Variants in PRRC1 observed in about 807,000 individuals in gnomAD.
The protein encoded by PRRC1 is protein PRRC1.
Under a neutral mutation model 40.7 loss-of-function variants are expected in PRRC1, and 39 were observed. The observed-to-expected ratio is 0.96, with a 90% CI of 0.74 to 1.25. The LOEUF (loss-of-function observed/expected upper bound fraction) is 1.25, where lower values mean the gene tolerates loss of function less well. Among genes scored for constraint, PRRC1 ranks in the 50% most tolerant of loss-of-function variants. The pLI, the probability that PRRC1 is intolerant of heterozygous loss-of-function variation, is 0.00. For missense variants in PRRC1, 573 were observed against 548.3 expected, an observed-to-expected ratio of 1.05 and a Z score of -0.45; for synonymous variants, 175 against 193.3, an observed-to-expected ratio of 0.91 and a Z score of 0.79.
Position 127,553,564 on chromosome 5 carries a change from GTAT to G in PRRC1, c.*1650_*1652del, listed in dbSNP as rs1356092894. The G allele has an allele frequency of 8.0e-7, 1 of 1,252,812 alleles. No homozygotes were observed. Among genetic ancestry groups the G allele is most frequent in the African/African-American group, 1.6e-5 (1 of 63,838 alleles). The allele number at this position is 1,252,812 out of a possible 1,614,324, so 77.6% of individuals were successfully genotyped here. On this transcript the variant is annotated 3_prime_UTR_variant, in exon 9 of 9. Transcript: ENST00000296666. ...TTTTAAAAGCTATCCTTTTCTAGTAGTATTTTATCATGGCAATGGCATGATGAC... is the reference window on the plus strand; with the variant it reads ...TTTTAAAAGCTATCCTTTTCTAGTAGTTTATCATGGCAATGGCATGATGAC...
Position 127,552,058 on chromosome 5 carries a change from C to T in PRRC1, c.*142C>T, listed in dbSNP as rs768070236. 1.0e-5 allele frequency: 15 copies of T among 1,445,860 alleles called. No homozygotes were observed. Among genetic ancestry groups the T allele is most frequent in the South Asian group, 1.5e-5 (1 of 66,290 alleles). The allele number at this position is 1,445,860 out of a possible 1,614,324, so 89.6% of individuals were successfully genotyped here. A position where few individuals can be genotyped will look rare whatever the true frequency, so the allele number is the denominator to read the frequency against. On this transcript the variant is annotated 3_prime_UTR_variant, in exon 9 of 9. Transcript: ENST00000296666. Reference sequence around the variant, plus strand: ...CCTGTAGCCTGCAATTTTTCTTTCTCTAGAAAGGCATCATGTCATTCCAGG... The same window carrying T: ...CCTGTAGCCTGCAATTTTTCTTTCTTTAGAAAGGCATCATGTCATTCCAGG...
chr5:127,547,494 A>G (rs1435229260), intron 7 of PRRC1, among the ~76,000 whole-genome samples: 2 of 152,124 alleles, frequency 1.3e-5, no homozygotes, highest in African/African-American at 2.4e-5. Context: ...AGCTGTTTGC[A>G]TATTCAATGT....
intron 7 of PRRC1, among the ~76,000 whole-genome samples, chr5:127,541,230 G>T (rs1259445492): frequency 6.6e-6 from 1 of 152,172 alleles, no homozygotes; most frequent in African/African-American, 2.4e-5. Flanking sequence ...AAGCCCACTT[G>T]ATCATGGTGG....
intron 4 of PRRC1, among the ~76,000 whole-genome samples, chr5:127,527,192 G>A (rs1456070797): frequency 1.3e-5 from 2 of 151,702 alleles, no homozygotes; most frequent in East Asian, 3.9e-4. Context: ...TTTTAAATTA[G>A]TTAATTTATT....
At chr5:127,519,124 G>A (rs1767392387) in intron 1 of PRRC1, among the ~76,000 whole-genome samples, 1 of 152,138 alleles carries the variant, frequency 6.6e-6, no homozygotes, top group Non-Finnish European at 1.5e-5. Context: ...TCTTACAATA[G>A]GACTTCTACT....
rs185412691 is a variant in PRRC1 at position 127,544,710 on chromosome 5, C to T, written c.1026-3109C>T. The stretch of plus-strand genomic sequence containing the variant: ...AGGTGCGGGATATAATCTCCTGGTG[C>T]GCTGTTTTTTAAGCCTGTTGGAAAA... On this transcript the variant is annotated intron_variant, in intron 7 of 8. Transcript: ENST00000296666. Among the ~76,000 whole-genome samples the T allele has an allele frequency of 6.8e-3, 1,039 of 152,294 alleles. 10 individuals are homozygous for T. Among genetic ancestry groups the T allele is most frequent in the African/African-American group, 0.023 (961 of 41,570 alleles).
chr5:127,551,681 G>T (rs1183896395), intron 8 of PRRC1, 26 bp from the exon 9 acceptor site: 1 of 1,603,774 alleles, frequency 6.2e-7, no homozygotes. Flanking sequence ...TGTATTATAA[G>T]TAATATCAAT....
chr5:127,518,162 G>A (rs1237417866), intron 1 of PRRC1, among the ~76,000 whole-genome samples: 1 of 152,204 alleles, frequency 6.6e-6, no homozygotes, highest in African/African-American at 2.4e-5. Context: ...ACCTTAGCCC[G>A]GCCCTGTCTG....
At chr5:127,529,476 A>C (rs1156563006) in intron 4 of PRRC1, among the ~76,000 whole-genome samples, 1 of 152,172 alleles carries the variant, frequency 6.6e-6, no homozygotes, top group African/African-American at 2.4e-5. Context: ...ATAGTAAGTC[A>C]TGATGTTTCA....
At chr5:127,537,054 C>T (rs1767918969) in intron 6 of PRRC1, among the ~76,000 whole-genome samples, 1 of 151,622 alleles carries the variant, frequency 6.6e-6, no homozygotes, top group African/African-American at 2.4e-5. Context: ...ATCAGTTCAG[C>T]CAAAATTAAA....
In PRRC1 at chr5:127,524,482, TA is replaced by T. The variant is rs369052169; in HGVS notation, c.104-43del. On this transcript the variant is annotated intron_variant, in intron 2 of 8. Coordinates refer to ENST00000296666, the MANE Select transcript of PRRC1 (RefSeq NM_130809.5). ...GTAATTAGACAGTTTGAAAACTAAATAAAAAACATTTCTAATTCTGTGCTTT... is the reference window on the plus strand; with the variant it reads ...GTAATTAGACAGTTTGAAAACTAAATAAAAACATTTCTAATTCTGTGCTTT... The T allele has an allele frequency of 2.3e-4, 349 of 1,521,046 alleles. No individual in the cohort carries two copies. In the African/African-American group the frequency reaches 3.8e-3, roughly 17 times the overall value. The allele number at this position is 1,521,046 out of a possible 1,614,324, so 94.2% of individuals were successfully genotyped here. A position where few individuals can be genotyped will look rare whatever the true frequency, so the allele number is the denominator to read the frequency against.
chr5:127,536,930 A>G (rs574760343), intron 6 of PRRC1, among the ~76,000 whole-genome samples: 35 of 152,042 alleles, frequency 2.3e-4, no homozygotes, highest in African/African-American at 8.4e-4. Flanking sequence ...GTCTTAGAGT[A>G]TAAAATGGTA....
intron 5 of PRRC1, among the ~76,000 whole-genome samples, chr5:127,533,013 A>C (rs1767814067): frequency 6.6e-6 from 1 of 152,152 alleles, no homozygotes; most frequent in Non-Finnish European, 1.5e-5. Context: ...AAAAATTAAA[A>C]ATATTTGAAA....
At chr5:127,518,124 T>C (rs1011778765) in intron 1 of PRRC1, 1 of 152,406 alleles carries the variant, frequency 6.6e-6, no homozygotes, top group Non-Finnish European at 1.5e-5. Flanking sequence ...GCGCTGACTT[T>C]AGGGGAGACT....
intron 6 of PRRC1, among the ~76,000 whole-genome samples, chr5:127,537,697 G>A (rs1301467929): frequency 6.6e-6 from 1 of 151,860 alleles, no homozygotes. Context: ...AAGAGTTAGG[G>A]GATGAATCTC....
At position 127,554,818 on chromosome 5, in the gene PRRC1, G is replaced by T. The variant is rs1418801902; in HGVS notation, c.*2902G>T. Reference sequence around the variant, plus strand: ...TTATGCAAGTTAGTAATTACTCAGGGTTAACTAAATTACTTTAATATGCTG... The same window carrying T: ...TTATGCAAGTTAGTAATTACTCAGGTTTAACTAAATTACTTTAATATGCTG... On this transcript the variant is annotated 3_prime_UTR_variant, in exon 9 of 9. Coordinates refer to ENST00000296666, the MANE Select transcript of PRRC1 (RefSeq NM_130809.5). The T allele has an allele frequency of 2.0e-5, 3 of 152,542 alleles. No homozygotes were observed. The highest frequency in any genetic ancestry group is 6.5e-5 in the Admixed American group (1 of 15,272). 9.4% of individuals were successfully genotyped at this position (152,542 alleles called of 1,614,324 possible).
At chr5:127,542,859 A>G (rs1768090172) in intron 7 of PRRC1, among the ~76,000 whole-genome samples, 1 of 152,070 alleles carries the variant, frequency 6.6e-6, no homozygotes, top group African/African-American at 2.4e-5. Context: ...TAATTGGAGC[A>G]TTTAGTCCAC....
At chr5:127,540,209 G>A (rs910354653) in intron 7 of PRRC1, among the ~76,000 whole-genome samples, 16 of 152,012 alleles carry the variant, frequency 1.1e-4, no homozygotes, top group South Asian at 4.2e-4. Flanking sequence ...CTGAGAAACC[G>A]TCCAGTGATT....
Position 127,553,231 on chromosome 5 carries a change from A to C in PRRC1, c.*1315A>C. The C allele has an allele frequency of 1.0e-6, 1 of 985,976 alleles. No individual in the cohort carries two copies. Among genetic ancestry groups the C allele is most frequent in the Non-Finnish European group, 1.2e-6 (1 of 830,366 alleles). The allele number at this position is 985,976 out of a possible 1,614,324, so 61.1% of individuals were successfully genotyped here. A position where few individuals can be genotyped will look rare whatever the true frequency, so the allele number is the denominator to read the frequency against. On this transcript the variant is annotated 3_prime_UTR_variant, in exon 9 of 9. Coordinates refer to ENST00000296666, the MANE Select transcript of PRRC1 (RefSeq NM_130809.5). ...TTGTCCTGCACTGTCTTTAGGTATC[A>C]TAGGTATCAGGTTTGCTTTGTGTTA...
Sources: allele counts gnomAD v4.1 joint callset (sites outside exome capture counted in the v4.1 genomes callset), GRCh38; gene constraint gnomAD v4.1.1; transcripts MANE v1.5; gene names NCBI Gene and HGNC (gene_info 2026-07-23, HGNC 2026-07-21).